The following DLGAP2 variants were observed in gnomAD, a reference collection of about 807,000 sequenced individuals.
DLGAP2 encodes the protein DLG associated protein 2, also known as disks large-associated protein 2.
DLGAP2 carries 26 observed loss-of-function variants against 100.3 expected under a neutral mutation model. The observed-to-expected ratio is 0.26, with a 90% CI of 0.19 to 0.36. The LOEUF (loss-of-function observed/expected upper bound fraction) is 0.36, where lower values mean the gene tolerates loss of function less well. Among genes scored for constraint, DLGAP2 ranks in the 10% least tolerant of loss-of-function variants. The pLI, the probability that DLGAP2 is intolerant of heterozygous loss-of-function variation, is 1.00. For missense variants in DLGAP2, 1,858 were observed against 1,453.2 expected, an observed-to-expected ratio of 1.28 and a Z score of -4.53; for synonymous variants, 886 against 630.1, an observed-to-expected ratio of 1.41 and a Z score of -6.08.
chr8:1,540,067 C>T (rs1349470512), intron 4 of DLGAP2, among the ~76,000 whole-genome samples: 2 of 152,210 alleles, frequency 1.3e-5, no homozygotes, highest in African/African-American at 2.4e-5. Context: ...TGTGGTCCTC[C>T]TCCCTGGCAG....
At chr8:1,691,507 T>G (rs1265351841) in intron 12 of DLGAP2, 28 bp from the exon 13 acceptor site, 3 of 1,593,112 alleles carry the variant, frequency 1.9e-6, no homozygotes, top group East Asian at 2.2e-5. Flanking sequence ...AGTTGTTGTT[T>G]TTTTGTTTTT....
intron 2 of DLGAP2, among the ~76,000 whole-genome samples, chr8:1,121,192 C>T (rs1194562885): frequency 3.5e-5 from 5 of 144,248 alleles, no homozygotes; most frequent in East Asian, 2.2e-4. Context: ...CACCCGTCCT[C>T]CCCTTTGGAA....
intron 6 of DLGAP2, among the ~76,000 whole-genome samples, chr8:1,615,117 G>A (rs1300586815): frequency 6.6e-6 from 1 of 152,210 alleles, no homozygotes; most frequent in African/African-American, 2.4e-5. Flanking sequence ...CAGAAGGGAT[G>A]GAGCCATGGA....
At chr8:1,151,007 A>G (rs1796687813) in intron 2 of DLGAP2, among the ~76,000 whole-genome samples, 1 of 152,226 alleles carries the variant, frequency 6.6e-6, no homozygotes, top group African/African-American at 2.4e-5. Context: ...ACATACATAC[A>G]TATGTAATCG....
intron 8 of DLGAP2, among the ~76,000 whole-genome samples, chr8:1,663,434 T>C (rs1047466425): frequency 1.3e-5 from 2 of 152,050 alleles, no homozygotes; most frequent in African/African-American, 4.8e-5. Context: ...TGGATGCTTA[T>C]CTCCGCTTCG....
At chr8:1,635,865 G>T (rs1418341755) in intron 8 of DLGAP2, among the ~76,000 whole-genome samples, 1 of 152,158 alleles carries the variant, frequency 6.6e-6, no homozygotes, top group Non-Finnish European at 1.5e-5. Flanking sequence ...CTGTTGGTTT[G>T]GGGACACCCC....
intron 2 of DLGAP2, among the ~76,000 whole-genome samples, chr8:1,193,226 T>G (rs904297675): frequency 6.6e-6 from 1 of 152,214 alleles, no homozygotes; most frequent in Non-Finnish European, 1.5e-5. Flanking sequence ...TTTCTAGTTC[T>G]AGATCCTTGA....
intron 1 of DLGAP2, chr8:891,186 G>C (rs914743153): frequency 3.9e-5 from 6 of 152,512 alleles, no homozygotes; most frequent in African/African-American, 1.4e-4. Context: ...AGGTGTGATT[G>C]AGGGCATGGC....
At chr8:1,688,226 G>T (rs1419061637) in intron 12 of DLGAP2, 1 of 152,190 alleles carries the variant, frequency 6.6e-6, no homozygotes, top group Non-Finnish European at 1.5e-5. Context: ...TCCTTCTCCA[G>T]TCCTCCCCTC....
At chr8:866,370 C>T (rs1289786257) in intron 1 of DLGAP2, among the ~76,000 whole-genome samples, 1 of 152,222 alleles carries the variant, frequency 6.6e-6, no homozygotes, top group African/African-American at 2.4e-5. Context: ...CAGGCGGGCG[C>T]AGGTGACCAG....
At chr8:1,639,725 C>T (rs1409910141) in intron 8 of DLGAP2, among the ~76,000 whole-genome samples, 1 of 152,222 alleles carries the variant, frequency 6.6e-6, no homozygotes, top group Non-Finnish European at 1.5e-5. Context: ...AACATCAGGT[C>T]GTTCTGGAGG....
chr8:904,506 C>A (rs1163947112), intron 1 of DLGAP2, among the ~76,000 whole-genome samples: 1 of 152,180 alleles, frequency 6.6e-6, no homozygotes, highest in African/African-American at 2.4e-5. Flanking sequence ...GGCGATAGAA[C>A]AAGACTGTCT....
At chr8:1,038,283 CT>C (rs1288488802) in intron 2 of DLGAP2, among the ~76,000 whole-genome samples, 3 of 152,196 alleles carry the variant, frequency 2.0e-5, no homozygotes, top group Non-Finnish European at 2.9e-5. Context: ...CTTCCAGAAC[CT>C]TTTTTCCTTC....
chr8:1,130,504 T>C (rs1415890457), intron 2 of DLGAP2, among the ~76,000 whole-genome samples: 3 of 152,116 alleles, frequency 2.0e-5, no homozygotes, highest in African/African-American at 7.2e-5. Context: ...TAAAAAGGGA[T>C]GGAGGCTCAA....
At chr8:833,425 C>A (rs915125933) in intron 1 of DLGAP2, among the ~76,000 whole-genome samples, 18 of 152,160 alleles carry the variant, frequency 1.2e-4, no homozygotes, top group African/African-American at 3.4e-4. Flanking sequence ...TCTGGGGGGA[C>A]CTGTTTCTCA....
chr8:1,168,942 A>G (rs1466316280), intron 2 of DLGAP2, among the ~76,000 whole-genome samples: 2 of 140,812 alleles, frequency 1.4e-5, no homozygotes, highest in African/African-American at 2.6e-5. Context: ...TGTTTTAGAC[A>G]TGAAGTCCTT....
At position 1,488,676 on chromosome 8, in the gene DLGAP2, A is replaced by T. The variant is rs1406006736; in HGVS notation, c.107-12690A>T. Among the ~76,000 whole-genome samples, 6 of 152,226 alleles carry T rather than the reference A, an allele frequency of 3.9e-5. No homozygotes were observed. The South Asian group carries it at 1.0e-3, about 26-fold the overall frequency. ...GATGCAGGTTCTCATCCATGCTGCC[A>T]CGGAGTAGTTGTGGGATTTTAATTC... On this transcript the variant is annotated intron_variant, in intron 3 of 14. Transcript: ENST00000637795.
At chr8:1,638,330 G>A (rs1797817322) in intron 8 of DLGAP2, among the ~76,000 whole-genome samples, 1 of 152,140 alleles carries the variant, frequency 6.6e-6, no homozygotes, top group Non-Finnish European at 1.5e-5. Flanking sequence ...AAGAGGAGAT[G>A]AGGACACAGA....
chr8:820,003 A>G (rs929655459), intron 1 of DLGAP2, among the ~76,000 whole-genome samples: 5 of 152,242 alleles, frequency 3.3e-5, no homozygotes, highest in African/African-American at 7.2e-5. Context: ...TGTTAGAGAA[A>G]AAAATGAACC....
Sources: allele counts gnomAD v4.1 joint callset (sites outside exome capture counted in the v4.1 genomes callset), GRCh38; gene constraint gnomAD v4.1.1; transcripts MANE v1.5; gene names NCBI Gene and HGNC (gene_info 2026-07-23, HGNC 2026-07-21).